SMAD9: variants seen among roughly 807,000 people sequenced by gnomAD.
The protein encoded by SMAD9 is MAD homolog 9.
In SMAD9, 36 loss-of-function variants were observed where a neutral mutation model predicts 46.1. The ratio of observed to expected loss-of-function variants is 0.78; its 90% CI spans 0.60 to 1.03. The LOEUF (loss-of-function observed/expected upper bound fraction) is 1.03, where lower values mean the gene tolerates loss of function less well. SMAD9 is among the 50% of genes least tolerant of loss of function. The pLI, the probability that SMAD9 is intolerant of heterozygous loss-of-function variation, is 0.00. For synonymous variants in SMAD9, 245 were observed against 237.1 expected (o/e 1.03, Z -0.31); for missense variants, 572 against 599.8 (o/e 0.95, Z 0.48).
chr13:36,857,447 T>G (rs2058137470), intron 5 of SMAD9, among the ~76,000 whole-genome samples: 1 of 152,176 alleles, frequency 6.6e-6, no homozygotes, highest in South Asian at 2.1e-4. Context: ...TGTGTCTTTC[T>G]TTATCTGAAC....
chr13:36,859,207 C>G (rs943750134), intron 5 of SMAD9, among the ~76,000 whole-genome samples: 1 of 151,950 alleles, frequency 6.6e-6, no homozygotes, highest in African/African-American at 2.4e-5. Flanking sequence ...AGATGAGAAG[C>G]CTTACATGTG....
intron 1 of SMAD9, among the ~76,000 whole-genome samples, chr13:36,910,432 A>G (rs1214640582): frequency 1.3e-5 from 2 of 152,120 alleles, no homozygotes; most frequent in Non-Finnish European, 2.9e-5. Flanking sequence ...CAGAATGTAC[A>G]CCACCAAGAG....
chr13:36,852,273 T>G, intron 6 of SMAD9: 1 of 982,362 alleles, frequency 1.0e-6, no homozygotes, highest in Non-Finnish European at 1.2e-6. Flanking sequence ...AAATTTACTT[T>G]GAAAAAAATG....
At chr13:36,897,423 G>GT (rs2058537756) in intron 1 of SMAD9, among the ~76,000 whole-genome samples, 1 of 152,022 alleles carries the variant, frequency 6.6e-6, no homozygotes, top group African/African-American at 2.4e-5. Context: ...TTCATTCTTG[G>GT]TACCTGCTTC....
At chr13:36,858,108 T>C (rs1472034412) in intron 5 of SMAD9, among the ~76,000 whole-genome samples, 1 of 152,208 alleles carries the variant, frequency 6.6e-6, no homozygotes, top group Non-Finnish European at 1.5e-5. Flanking sequence ...AATGTGAATC[T>C]TTATTGAAGC....
intron 1 of SMAD9, among the ~76,000 whole-genome samples, chr13:36,919,586 C>T (rs541084607): frequency 6.6e-6 from 1 of 152,156 alleles, no homozygotes; most frequent in South Asian, 2.1e-4. Context: ...TGACGACCCC[C>T]GCCGCCCCCT....
intron 5 of SMAD9, among the ~76,000 whole-genome samples, chr13:36,855,251 C>CAAAAAAA (rs1198605048): frequency 5.4e-4 from 25 of 45,932 alleles, no homozygotes; most frequent in African/African-American, 8.6e-4. Context: ...GAGTCCATCT[C>CAAAAAAA]AAAAAAAAAA....
chr13:36,865,482 CAT>C (rs2058223241), intron 5 of SMAD9, 53 bp downstream of exon 5: 2 of 1,454,486 alleles, frequency 1.4e-6, no homozygotes, highest in South Asian at 1.2e-5. Context: ...CTTCTACACA[CAT>C]GACCATCTAC....
chr13:36,867,527 T>C (rs2058247268), intron 3 of SMAD9, 144 bp from the exon 4 acceptor site: 2 of 547,496 alleles, frequency 3.7e-6, no homozygotes, highest in South Asian at 6.0e-5. Flanking sequence ...GTAACAAGGC[T>C]CTTCTGAAGT....
intron 1 of SMAD9, among the ~76,000 whole-genome samples, chr13:36,895,506 C>A (rs773475954): frequency 9.9e-5 from 15 of 152,264 alleles, no homozygotes; most frequent in Non-Finnish European, 1.9e-4. Flanking sequence ...TGATGACAAC[C>A]AAAAATGTCT....
chr13:36,845,992 C>CT lies in SMAD9; in HGVS notation c.*2683dup, dbSNP rs1180505218. The CT allele has an allele frequency of 2.0e-5, 3 of 152,010 alleles. No homozygotes were observed. In the East Asian group the frequency reaches 5.8e-4, roughly 30 times the overall value. The allele number at this position is 152,010 out of a possible 1,614,324, so 9.4% of individuals were successfully genotyped here. A position where few individuals can be genotyped will look rare whatever the true frequency, so the allele number is the denominator to read the frequency against. ...ATTTTTGTTTAGAGACAGGGTGTCA[C>CT]TTTGTCACCCAGGCTAGAATGAAGT... On this transcript the variant is annotated 3_prime_UTR_variant, in exon 7 of 7. Transcript: ENST00000379826.
At chr13:36,906,401 T>C (rs1204228166) in intron 1 of SMAD9, among the ~76,000 whole-genome samples, 1 of 152,166 alleles carries the variant, frequency 6.6e-6, no homozygotes, top group Admixed American at 6.6e-5. Context: ...ATGCAGTTTC[T>C]CGAGAAATAC....
intron 1 of SMAD9, among the ~76,000 whole-genome samples, chr13:36,897,384 T>C (rs2058537390): frequency 6.6e-6 from 1 of 152,246 alleles, no homozygotes; most frequent in African/African-American, 2.4e-5. Context: ...TGCTTGAGGA[T>C]ATTTTCTGTT....
At chr13:36,903,203 T>G (rs2058592312) in intron 1 of SMAD9, among the ~76,000 whole-genome samples, 1 of 148,510 alleles carries the variant, frequency 6.7e-6, no homozygotes, top group South Asian at 2.2e-4. Context: ...CTTAGCTCAC[T>G]GCAACCTCCT....
At chr13:36,878,074 C>G (rs1014586817) in intron 2 of SMAD9, among the ~76,000 whole-genome samples, 1 of 152,008 alleles carries the variant, frequency 6.6e-6, no homozygotes, top group African/African-American at 2.4e-5. Context: ...ACAGTGAAAC[C>G]CTGTTATAGC....
intron 1 of SMAD9, among the ~76,000 whole-genome samples, chr13:36,898,641 C>T (rs2058548900): frequency 6.6e-6 from 1 of 151,950 alleles, no homozygotes; most frequent in South Asian, 2.1e-4. Flanking sequence ...ACCATACTAA[C>T]AAAATAAAGG....
intron 1 of SMAD9, among the ~76,000 whole-genome samples, chr13:36,900,091 C>G (rs975009544): frequency 6.6e-6 from 1 of 152,116 alleles, no homozygotes; most frequent in Non-Finnish European, 1.5e-5. Context: ...CTTCTACTCT[C>G]CCCCTTGCTC....
intron 1 of SMAD9, among the ~76,000 whole-genome samples, chr13:36,883,979 C>T (rs958254388): frequency 6.6e-6 from 1 of 152,064 alleles, no homozygotes; most frequent in Non-Finnish European, 1.5e-5. Context: ...TGTTTCTGAG[C>T]GATGGGTCCA....
chr13:36,871,956 C>T (rs957079690), intron 3 of SMAD9, among the ~76,000 whole-genome samples: 1 of 152,332 alleles, frequency 6.6e-6, no homozygotes, highest in Admixed American at 6.5e-5. Flanking sequence ...CCTTTAGGAA[C>T]TTGTCAGCTC....
Sources: gnomAD v4.1 joint callset for allele counts (sites outside exome capture counted in the v4.1 genomes callset) on GRCh38, gnomAD v4.1.1 for gene constraint, MANE v1.5 for transcripts, NCBI Gene and HGNC (gene_info 2026-07-23, HGNC 2026-07-21) for gene names.